TOM1: variants seen among roughly 807,000 people sequenced by gnomAD.
TOM1 encodes the protein target of Myb protein 1.
In TOM1, 38 loss-of-function variants were observed where a neutral mutation model predicts 61.3. The observed-to-expected ratio is 0.62, with a 90% CI of 0.48 to 0.81. The LOEUF (loss-of-function observed/expected upper bound fraction) is 0.81, where lower values mean the gene tolerates loss of function less well. Among genes scored for constraint, TOM1 ranks in the 40% least tolerant of loss-of-function variants. The pLI, the probability that TOM1 is intolerant of heterozygous loss-of-function variation, is 0.00. For synonymous variants in TOM1, 270 were observed against 268.8 expected, an observed-to-expected ratio of 1.00 and a Z score of -0.04; for missense variants, 591 against 659.6, an observed-to-expected ratio of 0.90 and a Z score of 1.14.
At position 35,318,151 on chromosome 22, in the gene TOM1, A is replaced by T. The variant is rs1444735086; in HGVS notation, c.137+190A>T. ...TGAGCCCCATCCAAGGTAGGAATTC[A>T]CAGCTGGCCCCTGGGGGCTGCCACC... On this transcript the variant is annotated intron_variant, in intron 2 of 14. Transcript: ENST00000449058. 3.1e-5 allele frequency: 18 copies of T among 587,434 alleles called. No individual in the cohort carries two copies. In the Middle Eastern group the frequency reaches 1.4e-3, roughly 44 times the overall value. 36.4% of individuals were successfully genotyped at this position (587,434 alleles called of 1,614,324 possible).
rs760967997 is a variant in TOM1, at chr22:35,330,499, CT to C, written c.899+20del. The C allele has an allele frequency of 6.3e-7, 1 of 1,596,598 alleles. No individual in the cohort carries two copies. The highest frequency in any genetic ancestry group is 2.3e-5 in the East Asian group (1 of 44,210). On this transcript the variant is annotated intron_variant, in intron 8 of 14. Transcript: ENST00000449058. ...ATGAACGGTAGCCCCAGCACCTCCC[CT>C]GGCCTCTGGCCTACTGCCCCAACCC...
chr22:35,323,195 G>A lies in TOM1; in HGVS notation c.366+18G>A. ...TCATCCAGGTGAGTGCCAGGACAGG[G>A]CAGGGCACGGCCAGGAAGAGCTGTC... is the stretch of plus-strand genomic sequence containing the variant. On this transcript the variant is annotated intron_variant, in intron 4 of 14. Coordinates refer to ENST00000449058, the MANE Select transcript of TOM1 (RefSeq NM_005488.3). The surrounding 1 kb of genome is among the most constrained non-coding windows in gnomAD (Gnocchi z 4.2). 3 of 1,611,988 alleles carry A rather than the reference G, an allele frequency of 1.9e-6. No homozygotes were observed. Among genetic ancestry groups the A allele is most frequent in the Non-Finnish European group, 2.5e-6 (3 of 1,179,890 alleles).
At chr22:35,329,945 C>T (rs1206532421) in intron 7 of TOM1, among the ~76,000 whole-genome samples, 4 of 152,180 alleles carry the variant, frequency 2.6e-5, no homozygotes, top group East Asian at 1.9e-4. Flanking sequence ...CCTCACCCTC[C>T]TCCAAGGCTT....
intron 1 of TOM1, among the ~76,000 whole-genome samples, chr22:35,306,319 C>G (rs1443841552): frequency 6.6e-6 from 1 of 152,166 alleles, no homozygotes. Flanking sequence ...CCAGAGCACC[C>G]ACACTGGGGA....
intron 1 of TOM1, among the ~76,000 whole-genome samples, chr22:35,309,658 A>AG (rs1243905565): frequency 6.6e-6 from 1 of 151,542 alleles, no homozygotes; most frequent in Non-Finnish European, 1.5e-5. Flanking sequence ...AAAAAAAAAA[A>AG]AAGAGAGAGA....
At chr22:35,302,312 CT>C (rs1569014857) in intron 1 of TOM1, among the ~76,000 whole-genome samples, 1 of 128,786 alleles carries the variant, frequency 7.8e-6, no homozygotes, top group East Asian at 2.2e-4. Flanking sequence ...CTTTTTTTTT[CT>C]TTTTCTTTTT....
chr22:35,300,663 T>TCGGGC lies in TOM1; in HGVS notation c.52+685_52+689dup, dbSNP rs572130994. On this transcript the variant is annotated intron_variant, in intron 1 of 14. Coordinates refer to ENST00000449058, the MANE Select transcript of TOM1 (RefSeq NM_005488.3). ...CTCCGTAGGTGGGGCAGCCGGGAAC[T>TCGGGC]CGGGCCAAGCCAAGCCCAGGGCACC... is the stretch of plus-strand genomic sequence containing the variant. Among the ~76,000 whole-genome samples, 24 of 152,208 alleles carry TCGGGC rather than the reference T, an allele frequency of 1.6e-4. No individual in the cohort carries two copies. The East Asian group carries it at 4.5e-3, about 28-fold the overall frequency.
intron 2 of TOM1, among the ~76,000 whole-genome samples, chr22:35,319,265 C>T (rs1358888947): frequency 6.6e-6 from 1 of 152,170 alleles, no homozygotes; most frequent in Non-Finnish European, 1.5e-5. Context: ...ATGGGAGGAA[C>T]AGGCTCGGCG....
At chr22:35,332,210 G>C (rs1019152822) in intron 8 of TOM1, among the ~76,000 whole-genome samples, 4 of 152,166 alleles carry the variant, frequency 2.6e-5, no homozygotes, top group African/African-American at 9.7e-5. Flanking sequence ...GGAATGAAAG[G>C]CCTCTTCCCT....
intron 13 of TOM1, among the ~76,000 whole-genome samples, chr22:35,346,600 C>A (rs552571366): frequency 1.8e-4 from 27 of 152,364 alleles, no homozygotes; most frequent in African/African-American, 6.5e-4. Context: ...CAAGGTCCCA[C>A]TGGGCACCAG....
At chr22:35,341,282 T>C (rs1280205551) in intron 12 of TOM1, among the ~76,000 whole-genome samples, 2 of 152,210 alleles carry the variant, frequency 1.3e-5, no homozygotes, top group African/African-American at 4.8e-5. Flanking sequence ...TGGCACACAC[T>C]ACGGTATTAC....
Position 35,347,336 on chromosome 22 carries a change from T to C in TOM1, c.*127T>C, listed in dbSNP as rs1349659672. 1 of 1,019,740 alleles carries C rather than the reference T, an allele frequency of 9.8e-7. No homozygotes were observed. The highest frequency in any genetic ancestry group is 1.4e-6 in the Non-Finnish European group (1 of 723,664). The allele number at this position is 1,019,740 out of a possible 1,614,324, so 63.2% of individuals were successfully genotyped here. Reference sequence around the variant, plus strand: ...CTTGTTACCCCCTTTTCCTCCTCTTTGAAGACGGAGCTGCCCCAGCTGTGG... The same window carrying C: ...CTTGTTACCCCCTTTTCCTCCTCTTCGAAGACGGAGCTGCCCCAGCTGTGG... On this transcript the variant is annotated 3_prime_UTR_variant, in exon 15 of 15. Transcript: ENST00000449058.
chr22:35,303,695 A>G (rs961563661), intron 1 of TOM1, among the ~76,000 whole-genome samples: 11 of 151,902 alleles, frequency 7.2e-5, no homozygotes, highest in South Asian at 6.2e-4. Context: ...ATGGGGTTTC[A>G]CCATGTTAGC....
chr22:35,324,941 G>A (rs1409998853), intron 6 of TOM1, among the ~76,000 whole-genome samples: 1 of 152,210 alleles, frequency 6.6e-6, no homozygotes, highest in Non-Finnish European at 1.5e-5. Flanking sequence ...CAGAGCAGGT[G>A]GCACCCTGGG....
chr22:35,325,011 G>A (rs561818238), intron 6 of TOM1, among the ~76,000 whole-genome samples: 1 of 152,204 alleles, frequency 6.6e-6, no homozygotes, highest in African/African-American at 2.4e-5. Context: ...GGAGTGCCAT[G>A]GCTGCTGTAT....
chr22:35,300,551 G>A (rs977727629), intron 1 of TOM1, among the ~76,000 whole-genome samples: 1 of 152,326 alleles, frequency 6.6e-6, no homozygotes, highest in Non-Finnish European at 1.5e-5. Context: ...CTCTTTTCTC[G>A]ACCCAACCTC....
At position 35,323,884 on chromosome 22, in the gene TOM1, T is replaced by G; in HGVS notation, c.618T>G (p.Gly206=). Reference sequence around the variant, plus strand: ...TGCCCGCCCCGCCCATACTCTCCGGTGACACGCCCATAGCACCAACCCCGG... The same window carrying G: ...TGCCCGCCCCGCCCATACTCTCCGGGGACACGCCCATAGCACCAACCCCGG... ...APLPAPPILS[G]DTPIAPTPEQ... Residue 206 remains glycine, a synonymous_variant, in exon 6 of 15, where the codon GGT becomes GGG. Coordinates refer to ENST00000449058, the MANE Select transcript of TOM1 (RefSeq NM_005488.3). The surrounding 1 kb of genome is among the most constrained non-coding windows in gnomAD (Gnocchi z 4.2). 1 of 1,596,628 alleles carries G rather than the reference T, an allele frequency of 6.3e-7. No homozygotes were observed. The highest frequency in any genetic ancestry group is 8.5e-7 in the Non-Finnish European group (1 of 1,171,460).
chr22:35,319,872 C>A (rs559162879), intron 2 of TOM1, among the ~76,000 whole-genome samples: 355 of 152,246 alleles, frequency 2.3e-3, no homozygotes, highest in Non-Finnish European at 4.2e-3. Context: ...CCTTCCACCG[C>A]AGGCCTGACC....
intron 1 of TOM1, among the ~76,000 whole-genome samples, chr22:35,300,788 G>A (rs1168013976): frequency 6.6e-6 from 1 of 152,206 alleles, no homozygotes; most frequent in Non-Finnish European, 1.5e-5. Context: ...CTCACCTGTA[G>A]TTGGCGGGCA....
Sources: allele counts gnomAD v4.1 joint callset (sites outside exome capture counted in the v4.1 genomes callset), GRCh38; gene constraint gnomAD v4.1.1; non-coding constraint Gnocchi (gnomAD v3.1); transcripts MANE v1.5; gene names NCBI Gene and HGNC (gene_info 2026-07-23, HGNC 2026-07-21).